The following TMEM135 variants were observed in gnomAD, a reference collection of about 807,000 sequenced individuals.
The protein encoded by TMEM135 is peroxisomal membrane protein 52.
TMEM135 carries 30 observed loss-of-function variants against 60.3 expected under a neutral mutation model. That is an observed-to-expected ratio of 0.50 (90% CI 0.37 to 0.68). The LOEUF is 0.68. Among genes scored for constraint, TMEM135 ranks in the 30% least tolerant of loss-of-function variants. TMEM135 has a pLI of 0.00. For missense variants in TMEM135, 468 were observed against 548.8 expected, an observed-to-expected ratio of 0.85 and a Z score of 1.47; for synonymous variants, 190 against 186.7, an observed-to-expected ratio of 1.02 and a Z score of -0.14.
chr11:87,189,808 T>A (rs61905593), intron 5 of TMEM135, among the ~76,000 whole-genome samples: 19,327 of 150,466 alleles, frequency 0.13, 1,302 homozygotes, highest in Non-Finnish European at 0.15. Context: ...TCCCAGCTAC[T>A]TGGGAGGCTG....
At chr11:87,192,148 ATTT>A (rs761888889) in intron 5 of TMEM135, among the ~76,000 whole-genome samples, 1 of 136,638 alleles carries the variant, frequency 7.3e-6, no homozygotes. Flanking sequence ...TGCCCAGCTA[ATTT>A]TTTTTTTTTT....
intron 5 of TMEM135, among the ~76,000 whole-genome samples, chr11:87,164,470 T>C (rs1315430390): frequency 1.6e-5 from 1 of 63,180 alleles, no homozygotes; most frequent in African/African-American, 8.2e-5. Context: ...AGTCAGGTAG[T>C]GTGATGCCTC....
intron 5 of TMEM135, among the ~76,000 whole-genome samples, chr11:87,192,966 A>G (rs1939849486): frequency 6.6e-6 from 1 of 152,126 alleles, no homozygotes; most frequent in East Asian, 1.9e-4. Flanking sequence ...AATATAAAAA[A>G]TACCCAGGCC....
chr11:87,078,963 A>G (rs1268793943), intron 3 of TMEM135, among the ~76,000 whole-genome samples: 1 of 151,392 alleles, frequency 6.6e-6, no homozygotes, highest in Admixed American at 6.6e-5. Flanking sequence ...CATTACCAAG[A>G]CGAATATTTA....
intron 4 of TMEM135, among the ~76,000 whole-genome samples, chr11:87,131,780 C>G (rs906084062): frequency 3.9e-5 from 6 of 152,104 alleles, no homozygotes; most frequent in African/African-American, 1.4e-4. Flanking sequence ...TGGTCCGTGG[C>G]CTGTTAGGAA....
chr11:87,076,962 C>T (rs1322005987), intron 3 of TMEM135, among the ~76,000 whole-genome samples: 1 of 152,158 alleles, frequency 6.6e-6, no homozygotes, highest in Non-Finnish European at 1.5e-5. Flanking sequence ...ACATTACTGT[C>T]AACTACACTA....
At chr11:87,296,306 G>A (rs1052415089) in intron 7 of TMEM135, among the ~76,000 whole-genome samples, 5 of 152,138 alleles carry the variant, frequency 3.3e-5, no homozygotes, top group African/African-American at 7.2e-5. Flanking sequence ...ATGTTCGTTA[G>A]CATTAGCATT....
intron 5 of TMEM135, among the ~76,000 whole-genome samples, chr11:87,183,592 C>G (rs1939576244): frequency 6.6e-6 from 1 of 152,046 alleles, no homozygotes; most frequent in South Asian, 2.1e-4. Context: ...AGGTGGATTT[C>G]TTAGGATAAT....
At chr11:87,313,978 C>A (rs1222490078) in intron 11 of TMEM135, among the ~76,000 whole-genome samples, 1 of 151,426 alleles carries the variant, frequency 6.6e-6, no homozygotes, top group African/African-American at 2.4e-5. Context: ...TTAGGAATAA[C>A]CTTAGTTATT....
intron 3 of TMEM135, among the ~76,000 whole-genome samples, chr11:87,084,292 A>G (rs1469861308): frequency 6.8e-6 from 1 of 147,968 alleles, no homozygotes; most frequent in East Asian, 2.0e-4. Context: ...CTCTGACTAC[A>G]CAGTTCCTGT....
rs1289019114 is a variant in TMEM135 at position 87,318,234 on chromosome 11, C to G, written c.1175C>G (p.Ala392Gly). Residue 392 changes from alanine (A) to glycine (G), a missense_variant and splice_region_variant, in exon 13 of 15, where the codon GCA becomes GGA. Ala to Gly is a moderately conservative substitution (Grantham distance 60). Coordinates refer to ENST00000305494, the MANE Select transcript of TMEM135 (RefSeq NM_022918.4). ...ATCTCTACAGCAATTTGCTTCCAGG[C>G]AGTAAGTATAACTTTTTGAAATGAG... ...YSISTAICFQ[A>G]AVMEVQTLRP... is the part of the protein sequence containing the mutation. The G allele has an allele frequency of 6.2e-7, 1 of 1,604,648 alleles. No individual in the cohort carries two copies. The highest frequency in any genetic ancestry group is 8.5e-7 in the Non-Finnish European group (1 of 1,173,568).
intron 6 of TMEM135, among the ~76,000 whole-genome samples, chr11:87,242,565 C>A (rs1174182170): frequency 2.0e-5 from 2 of 101,854 alleles, no homozygotes; most frequent in Admixed American, 9.1e-5. Context: ...GAGATGGTAT[C>A]TCATTGTGGT....
chr11:87,118,862 C>T (rs1343759003), intron 4 of TMEM135, among the ~76,000 whole-genome samples: 1 of 152,184 alleles, frequency 6.6e-6, no homozygotes, highest in African/African-American at 2.4e-5. Context: ...CTGCAATTTC[C>T]TCACCTTTCT....
At chr11:87,130,095 G>T (rs970547458) in intron 4 of TMEM135, among the ~76,000 whole-genome samples, 1 of 149,146 alleles carries the variant, frequency 6.7e-6, no homozygotes, top group Non-Finnish European at 1.5e-5. Context: ...CGTAATTACA[G>T]GTGACTTGCA....
At chr11:87,270,256 G>T (rs1197675696) in intron 6 of TMEM135, among the ~76,000 whole-genome samples, 2 of 151,330 alleles carry the variant, frequency 1.3e-5, no homozygotes, top group Non-Finnish European at 2.9e-5. Flanking sequence ...CCCTTTGTCA[G>T]ATGAGTAGGT....
At chr11:87,248,931 A>G (rs1272608731) in intron 6 of TMEM135, among the ~76,000 whole-genome samples, 1 of 152,160 alleles carries the variant, frequency 6.6e-6, no homozygotes, top group African/African-American at 2.4e-5. Context: ...GGATATAGAA[A>G]TGCTACTGAT....
intron 5 of TMEM135, among the ~76,000 whole-genome samples, chr11:87,211,081 G>A (rs1044080872): frequency 5.3e-5 from 8 of 152,080 alleles, no homozygotes; most frequent in African/African-American, 1.9e-4. Flanking sequence ...CTTGAGAACT[G>A]GAGCAAGATA....
chr11:87,131,202 A>T (rs1409119405), intron 4 of TMEM135, among the ~76,000 whole-genome samples: 3 of 152,158 alleles, frequency 2.0e-5, no homozygotes, highest in East Asian at 3.9e-4. Flanking sequence ...ACCAATATTG[A>T]TGCCTTATTA....
intron 3 of TMEM135, among the ~76,000 whole-genome samples, chr11:87,077,904 T>A (rs1856907137): frequency 6.6e-6 from 1 of 152,216 alleles, no homozygotes; most frequent in Non-Finnish European, 1.5e-5. Context: ...AAGTTTGATG[T>A]CATACGTATC....
Sources: gnomAD v4.1 joint callset for allele counts (sites outside exome capture counted in the v4.1 genomes callset) on GRCh38, gnomAD v4.1.1 for gene constraint, MANE v1.5 for transcripts, NCBI Gene and HGNC (gene_info 2026-07-23, HGNC 2026-07-21) for gene names.